The following CSMD1 variants were observed in gnomAD, a reference collection of about 807,000 sequenced individuals.
The protein encoded by CSMD1 is CUB and Sushi multiple domains 1.
In CSMD1, 213 loss-of-function variants were observed where a neutral mutation model predicts 417.5. The observed-to-expected ratio is 0.51, with a 90% CI of 0.46 to 0.57. CSMD1 has a LOEUF of 0.57. Ranked by LOEUF, CSMD1 falls within the 20% of genes least tolerant of loss-of-function variation. The probability of loss-of-function intolerance (pLI) is 0.00; values close to 1 mark genes in which losing one functional copy is unlikely to be tolerated. For missense variants in CSMD1, 6,923 were observed against 4,529.7 expected, an observed-to-expected ratio of 1.53 and a Z score of -15.17; for synonymous variants, 2,862 against 1,736.8, an observed-to-expected ratio of 1.65 and a Z score of -16.11.
At chr8:3,943,825 A>C (rs1334887231) in intron 5 of CSMD1, among the ~76,000 whole-genome samples, 1 of 152,078 alleles carries the variant, frequency 6.6e-6, no homozygotes, top group Non-Finnish European at 1.5e-5. Flanking sequence ...CAAAAGTGTA[A>C]AGGATATGGA....
intron 5 of CSMD1, among the ~76,000 whole-genome samples, chr8:3,878,780 G>T (rs1806006023): frequency 6.6e-6 from 1 of 152,114 alleles, no homozygotes; most frequent in Admixed American, 6.6e-5. Context: ...CTGAGTTTGT[G>T]CAAACTTTGA....
chr8:4,809,796 T>C (rs1798791410), intron 1 of CSMD1, among the ~76,000 whole-genome samples: 1 of 152,242 alleles, frequency 6.6e-6, no homozygotes, highest in Non-Finnish European at 1.5e-5. Flanking sequence ...ATATACTGTG[T>C]ATTTTATGCT....
chr8:3,612,151 T>C (rs1276771557), intron 8 of CSMD1, among the ~76,000 whole-genome samples: 1 of 152,076 alleles, frequency 6.6e-6, no homozygotes, highest in African/African-American at 2.4e-5. Context: ...AAAGCTAAAA[T>C]GGCTATGCAA....
intron 3 of CSMD1, among the ~76,000 whole-genome samples, chr8:4,143,574 A>C (rs1408277614): frequency 6.6e-6 from 1 of 151,022 alleles, no homozygotes; most frequent in Admixed American, 6.6e-5. Context: ...TATGACCCAC[A>C]GTTGTCAACC....
At chr8:4,238,968 C>A (rs1164440211) in intron 3 of CSMD1, among the ~76,000 whole-genome samples, 2 of 152,066 alleles carry the variant, frequency 1.3e-5, no homozygotes, top group South Asian at 2.1e-4. Flanking sequence ...AGTAGACAGC[C>A]CAGAGTCCCA....
At chr8:4,210,915 T>A (rs1585029963) in intron 3 of CSMD1, among the ~76,000 whole-genome samples, 1 of 152,188 alleles carries the variant, frequency 6.6e-6, no homozygotes, top group Non-Finnish European at 1.5e-5. Context: ...ATGGTTGACT[T>A]AATGAAAAAC....
chr8:3,998,018 T>C lies in CSMD1; in HGVS notation c.703A>G (p.Thr235Ala). 1.2e-6 allele frequency: 2 copies of C among 1,608,016 alleles called. No individual in the cohort carries two copies. The highest frequency in any genetic ancestry group is 8.5e-7 in the Non-Finnish European group (1 of 1,176,986). Residue 235 changes from threonine to alanine, a missense_variant, in exon 5 of 70, where the codon ACC becomes GCC. Thr to Ala is a moderately conservative substitution (Grantham distance 58, BLOSUM62 0). Coordinates refer to ENST00000635120, the MANE Select transcript of CSMD1 (RefSeq NM_033225.6). Reference sequence around the variant, plus strand: ...CCGGGCTCAGCCAGAATGGTCCAGGTGCAGTCCGCGTTGTTCTCGTACTCT... The same window carrying C: ...CCGGGCTCAGCCAGAATGGTCCAGGCGCAGTCCGCGTTGTTCTCGTACTCT... Reference protein sequence around the residue: ...PSEYENNADCTWTILAEPGDT... With the variant: ...PSEYENNADCAWTILAEPGDT...
intron 5 of CSMD1, among the ~76,000 whole-genome samples, chr8:3,825,895 T>C (rs1254944048): frequency 1.3e-5 from 2 of 152,224 alleles, no homozygotes; most frequent in Non-Finnish European, 2.9e-5. Context: ...CAAGGTATCA[T>C]GACAAAATCA....
chr8:4,742,094 A>G (rs1165712774), intron 1 of CSMD1, among the ~76,000 whole-genome samples: 52 of 126,546 alleles, frequency 4.1e-4, no homozygotes, highest in Admixed American at 7.0e-4. Context: ...GCAGTGGCGC[A>G]ATCTCGGCTC....
At chr8:3,389,795 C>T (rs1458538693) in intron 17 of CSMD1, among the ~76,000 whole-genome samples, 1 of 152,170 alleles carries the variant, frequency 6.6e-6, no homozygotes, top group Admixed American at 6.5e-5. Context: ...ACATTTCAAA[C>T]TGAATAAACT....
At chr8:3,547,346 T>C (rs891286833) in intron 10 of CSMD1, among the ~76,000 whole-genome samples, 3 of 152,206 alleles carry the variant, frequency 2.0e-5, no homozygotes, top group Admixed American at 6.5e-5. Context: ...GTAAAATTTG[T>C]ACGGTCGAAA....
chr8:3,098,025 G>C (rs911834150), intron 46 of CSMD1, among the ~76,000 whole-genome samples: 2 of 152,164 alleles, frequency 1.3e-5, no homozygotes, highest in African/African-American at 4.8e-5. Flanking sequence ...AATCTGCAGA[G>C]ATCTGGACAT....
intron 3 of CSMD1, among the ~76,000 whole-genome samples, chr8:4,230,910 C>A (rs549873939): frequency 6.6e-6 from 1 of 152,200 alleles, no homozygotes; most frequent in Non-Finnish European, 1.5e-5. Flanking sequence ...ATATTATATG[C>A]TGTGATTTTT....
At chr8:3,308,117 G>A (rs1415194446) in intron 24 of CSMD1, among the ~76,000 whole-genome samples, 195 bp downstream of exon 24, 1 of 151,886 alleles carries the variant, frequency 6.6e-6, no homozygotes, top group African/African-American at 2.4e-5. Context: ...CTCCATAACA[G>A]AATACTAGAA....
intron 1 of CSMD1, among the ~76,000 whole-genome samples, chr8:4,949,421 T>C (rs1485914025): frequency 4.6e-5 from 7 of 152,022 alleles, no homozygotes; most frequent in African/African-American, 1.7e-4. Flanking sequence ...TCCTGGAAAA[T>C]TATTTGAGTA....
At chr8:4,458,622 G>C (rs1019976717) in intron 2 of CSMD1, among the ~76,000 whole-genome samples, 2 of 152,150 alleles carry the variant, frequency 1.3e-5, no homozygotes, top group Non-Finnish European at 2.9e-5. Context: ...CCACACCTCA[G>C]CAGCAAAATC....
At chr8:4,821,954 AG>A (rs1326381267) in intron 1 of CSMD1, among the ~76,000 whole-genome samples, 1 of 151,984 alleles carries the variant, frequency 6.6e-6, no homozygotes, top group African/African-American at 2.4e-5. Context: ...AATCGAATAA[AG>A]CTTCTCAGAG....
chr8:3,726,155 G>A (rs931894669), intron 6 of CSMD1, among the ~76,000 whole-genome samples: 6 of 151,922 alleles, frequency 3.9e-5, no homozygotes, highest in South Asian at 2.1e-4. Context: ...GCACCGAGGC[G>A]TCCTGCCAAT....
In CSMD1 at chr8:4,578,332, A is replaced by ATTTTTTTTTTTTTTTTTTT. The variant is rs1172600205; in HGVS notation, c.302+58991_302+59009dup. Reference sequence around the variant, plus strand: ...AGGCACCTGCCACGACACCCGGCTCATTTTTTTTTTTTTTTTTTTTTTTTT... The same window carrying ATTTTTTTTTTTTTTTTTTT: ...AGGCACCTGCCACGACACCCGGCTCATTTTTTTTTTTTTTTTTTTTTTTTTTTTTTTTTTTTTTTTTTTT... On this transcript the variant is annotated intron_variant, in intron 2 of 69. Transcript: ENST00000635120. 3.5e-4 allele frequency among the ~76,000 whole-genome samples: 17 copies of ATTTTTTTTTTTTTTTTTTT among 48,764 alleles called. 3 individuals carry two copies. Among genetic ancestry groups the ATTTTTTTTTTTTTTTTTTT allele is most frequent in the Admixed American group, 3.6e-4 (1 of 2,760 alleles). 32.0% of individuals were successfully genotyped at this position (48,764 alleles called of 152,430 possible).
Sources: allele counts gnomAD v4.1 joint callset (sites outside exome capture counted in the v4.1 genomes callset), GRCh38; gene constraint gnomAD v4.1.1; transcripts MANE v1.5; gene names NCBI Gene and HGNC (gene_info 2026-07-23, HGNC 2026-07-21).